Variants in PPP1R16B observed in about 807,000 individuals in gnomAD.
The protein encoded by PPP1R16B is protein phosphatase 1 regulatory inhibitor subunit 16B.
Under a neutral mutation model 61.7 loss-of-function variants are expected in PPP1R16B, and 14 were observed. The observed-to-expected ratio is 0.23, with a 90% confidence interval of 0.15 to 0.35. The LOEUF (loss-of-function observed/expected upper bound fraction) is 0.35, where lower values mean the gene tolerates loss of function less well. PPP1R16B is among the 10% of genes least tolerant of loss of function. The probability of loss-of-function intolerance (pLI) is 1.00; values close to 1 mark genes in which losing one functional copy is unlikely to be tolerated. For missense variants in PPP1R16B, 547 were observed against 752.5 expected (o/e 0.73, Z 3.19); for synonymous variants, 266 against 305.3 (o/e 0.87, Z 1.34).
At position 38,836,037 on chromosome 20, in the gene PPP1R16B, G is replaced by T; in HGVS notation, c.112G>T (p.Ala38Ser). 1.9e-6 allele frequency: 3 copies of T among 1,606,038 alleles called. No homozygotes were observed. In the South Asian group the frequency reaches 3.3e-5, roughly 18 times the overall value. Residue 38 changes from alanine to serine, a missense_variant, in exon 2 of 11, where the codon GCA becomes TCA. Coordinates refer to ENST00000299824, the MANE Select transcript of PPP1R16B (RefSeq NM_015568.4). ...CCGGGCCCAGCAGCTGAAGAAATGGGCACAGTACGAGCAGGACTTGCAGCA... is the reference window on the plus strand; with the variant it reads ...CCGGGCCCAGCAGCTGAAGAAATGGTCACAGTACGAGCAGGACTTGCAGCA... ...KRRAQQLKKWAQYEQDLQHRK... is the reference protein window; with the variant it reads ...KRRAQQLKKWSQYEQDLQHRK...
At chr20:38,889,151 C>T (rs1019495743) in intron 2 of PPP1R16B, among the ~76,000 whole-genome samples, 3 of 152,114 alleles carry the variant, frequency 2.0e-5, no homozygotes, top group East Asian at 1.9e-4. Context: ...TGGCTCACCT[C>T]GATGACCACT....
intron 2 of PPP1R16B, among the ~76,000 whole-genome samples, chr20:38,846,475 G>T (rs2084936223): frequency 6.6e-6 from 1 of 152,310 alleles, no homozygotes; most frequent in East Asian, 1.9e-4. Context: ...GAATAGTGTG[G>T]CATCTCAGAA....
intron 6 of PPP1R16B, among the ~76,000 whole-genome samples, chr20:38,905,195 G>A (rs1260842423): frequency 6.6e-6 from 1 of 152,152 alleles, no homozygotes; most frequent in East Asian, 1.9e-4. Context: ...CAGAGAGTTA[G>A]GAACAGCTTA....
chr20:38,822,050 A>T (rs1401704325), intron 1 of PPP1R16B, among the ~76,000 whole-genome samples: 1 of 147,960 alleles, frequency 6.8e-6, no homozygotes, highest in Non-Finnish European at 1.5e-5. Flanking sequence ...ATATAAATAT[A>T]ATATATATAT....
intron 10 of PPP1R16B, among the ~76,000 whole-genome samples, chr20:38,912,699 A>C (rs2145784799): frequency 6.6e-6 from 1 of 151,948 alleles, no homozygotes; most frequent in African/African-American, 2.4e-5. Context: ...AAATAAATAA[A>C]TGTAGATTCT....
intron 2 of PPP1R16B, among the ~76,000 whole-genome samples, chr20:38,864,044 G>A (rs1247942548): frequency 6.6e-6 from 1 of 152,216 alleles, no homozygotes; most frequent in East Asian, 1.9e-4. Flanking sequence ...CTATACCATG[G>A]ATGAACTTTG....
chr20:38,824,054 T>C (rs1169847052), intron 1 of PPP1R16B, among the ~76,000 whole-genome samples: 2 of 152,154 alleles, frequency 1.3e-5, no homozygotes, highest in Non-Finnish European at 2.9e-5. Context: ...TCAGCCCTAG[T>C]TACGAGTTCC....
chr20:38,840,079 C>T (rs2084900062), intron 2 of PPP1R16B, among the ~76,000 whole-genome samples: 1 of 152,192 alleles, frequency 6.6e-6, no homozygotes, highest in African/African-American at 2.4e-5. Flanking sequence ...CCACAGTTGC[C>T]TGGGTTTGGA....
At chr20:38,894,407 T>A (rs1341041221) in intron 3 of PPP1R16B, among the ~76,000 whole-genome samples, 1 of 152,174 alleles carries the variant, frequency 6.6e-6, no homozygotes, top group Non-Finnish European at 1.5e-5. Context: ...ATCTCTTAAC[T>A]GGGTGGCTTC....
At chr20:38,869,113 CT>C (rs1482573984) in intron 2 of PPP1R16B, among the ~76,000 whole-genome samples, 1 of 151,172 alleles carries the variant, frequency 6.6e-6, no homozygotes, top group African/African-American at 2.4e-5. Flanking sequence ...TCCTTTTTGT[CT>C]TTTTTTTGAG....
chr20:38,879,515 A>G (rs1302327532), intron 2 of PPP1R16B, among the ~76,000 whole-genome samples: 1 of 152,154 alleles, frequency 6.6e-6, no homozygotes, highest in Middle Eastern at 3.2e-3. Flanking sequence ...TTTGTACATC[A>G]GTTTTCTGGG....
intron 1 of PPP1R16B, among the ~76,000 whole-genome samples, chr20:38,813,603 C>T (rs922191344): frequency 4.6e-5 from 7 of 152,114 alleles, no homozygotes; most frequent in African/African-American, 1.7e-4. Flanking sequence ...TGTGGATCCA[C>T]TTGCCAAGCT....
intron 3 of PPP1R16B, among the ~76,000 whole-genome samples, chr20:38,890,655 G>A (rs868142476): frequency 1.3e-5 from 2 of 152,240 alleles, no homozygotes; most frequent in Non-Finnish European, 2.9e-5. Context: ...TGAGGGCACA[G>A]CACATACCTC....
intron 2 of PPP1R16B, among the ~76,000 whole-genome samples, chr20:38,863,939 A>G (rs1291508172): frequency 6.6e-6 from 1 of 152,244 alleles, no homozygotes; most frequent in African/African-American, 2.4e-5. Context: ...AACAACCCAA[A>G]TGTCCATCAA....
At chr20:38,879,958 C>T (rs2145751801) in intron 2 of PPP1R16B, among the ~76,000 whole-genome samples, 1 of 152,324 alleles carries the variant, frequency 6.6e-6, no homozygotes, top group South Asian at 2.1e-4. Flanking sequence ...AAGGAAAAGT[C>T]TGTGGCCCAG....
At chr20:38,862,407 G>T (rs1182113231) in intron 2 of PPP1R16B, among the ~76,000 whole-genome samples, 1 of 152,282 alleles carries the variant, frequency 6.6e-6, no homozygotes, top group East Asian at 1.9e-4. Context: ...ACTTGCTCAG[G>T]TCTCACAGCT....
chr20:38,878,593 A>G (rs1464970182), intron 2 of PPP1R16B, among the ~76,000 whole-genome samples: 2 of 152,234 alleles, frequency 1.3e-5, no homozygotes, highest in African/African-American at 4.8e-5. Context: ...AATCTTGGGA[A>G]AATCATATAA....
intron 1 of PPP1R16B, among the ~76,000 whole-genome samples, chr20:38,829,366 G>A (rs1006945): frequency 6.6e-6 from 1 of 151,942 alleles, no homozygotes; most frequent in Admixed American, 6.6e-5. Flanking sequence ...GACCTCACCC[G>A]ACCTGGCCTC....
At chr20:38,915,786 G>A (rs1025051514) in intron 10 of PPP1R16B, among the ~76,000 whole-genome samples, 3 of 151,760 alleles carry the variant, frequency 2.0e-5, no homozygotes, top group Non-Finnish European at 2.9e-5. Context: ...CACCACGCTC[G>A]GCCTGTACAT....
Sources: allele counts gnomAD v4.1 joint callset (sites outside exome capture counted in the v4.1 genomes callset), GRCh38; gene constraint gnomAD v4.1.1; transcripts MANE v1.5; gene names NCBI Gene and HGNC (gene_info 2026-07-23, HGNC 2026-07-21).